The following LRP1B variants were observed in gnomAD, a reference collection of about 807,000 sequenced individuals.
LRP1B encodes low-density lipoprotein receptor-related protein 1B.
In LRP1B, 217 loss-of-function variants were observed where a neutral mutation model predicts 556.6. That is an observed-to-expected ratio of 0.39 (90% CI 0.35 to 0.44). LRP1B has a LOEUF of 0.44. Among genes scored for constraint, LRP1B ranks in the 20% least tolerant of loss-of-function variants. The probability of loss-of-function intolerance (pLI) is 1.00; values close to 1 mark genes in which losing one functional copy is unlikely to be tolerated. For synonymous variants in LRP1B, 2,047 were observed against 1,865.8 expected (o/e 1.10, Z -2.50); for missense variants, 5,053 against 5,620.8 (o/e 0.90, Z 3.23).
intron 2 of LRP1B, among the ~76,000 whole-genome samples, chr2:141,796,992 C>T (rs944760648): frequency 6.6e-6 from 1 of 150,742 alleles, no homozygotes; most frequent in Non-Finnish European, 1.5e-5. Flanking sequence ...GTCCGTGTCT[C>T]GAGGAGTTTT....
rs1001009142 is a variant in LRP1B at position 141,503,148 on chromosome 2, T to C, written c.206-22615A>G. ...TTAGGACTATATAAAAAATAATATATAATTATATATGAGTAATACATGAAT... is the reference window on the plus strand; with the variant it reads ...TTAGGACTATATAAAAAATAATATACAATTATATATGAGTAATACATGAAT... On this transcript the variant is annotated intron_variant, in intron 2 of 90. Transcript: ENST00000389484. Among the ~76,000 whole-genome samples, 4 of 148,118 alleles carry C rather than the reference T, an allele frequency of 2.7e-5. No individual in the cohort carries two copies. In the East Asian group the frequency reaches 5.9e-4, roughly 22 times the overall value.
chr2:141,422,226 T>C (rs1301184009), intron 3 of LRP1B, among the ~76,000 whole-genome samples: 2 of 152,192 alleles, frequency 1.3e-5, no homozygotes, highest in Non-Finnish European at 2.9e-5. Flanking sequence ...TCTTTGATTA[T>C]TATAATTACC....
At chr2:140,283,822 C>T (rs1244761290) in intron 84 of LRP1B, among the ~76,000 whole-genome samples, 2 of 151,624 alleles carry the variant, frequency 1.3e-5, no homozygotes, top group Admixed American at 1.3e-4. Context: ...TGTTTATAAA[C>T]AGTGTTTTGG....
At chr2:140,734,824 T>C (rs1192654809) in intron 35 of LRP1B, among the ~76,000 whole-genome samples, 1 of 152,140 alleles carries the variant, frequency 6.6e-6, no homozygotes, top group Non-Finnish European at 1.5e-5. Flanking sequence ...TAGGTGACAG[T>C]GACTCTCCAC....
intron 20 of LRP1B, among the ~76,000 whole-genome samples, chr2:140,931,248 T>C (rs1695039719): frequency 6.6e-6 from 1 of 152,170 alleles, no homozygotes; most frequent in South Asian, 2.1e-4. Flanking sequence ...CATGACTGCC[T>C]ATAGGTCATC....
At chr2:141,709,689 T>A (rs1295760597) in intron 2 of LRP1B, among the ~76,000 whole-genome samples, 1 of 152,136 alleles carries the variant, frequency 6.6e-6, no homozygotes, top group Non-Finnish European at 1.5e-5. Context: ...CACAAAGCCA[T>A]CACTATACGT....
chr2:141,769,724 A>T (rs1057480053), intron 2 of LRP1B, among the ~76,000 whole-genome samples: 3 of 152,194 alleles, frequency 2.0e-5, no homozygotes, highest in Non-Finnish European at 4.4e-5. Context: ...CATAATTGGC[A>T]TTTCCTACTA....
rs369254242 is a variant in LRP1B at position 140,561,264 on chromosome 2, C to A, written c.7195-19293G>T. Among the ~76,000 whole-genome samples the A allele has an allele frequency of 2.4e-4, 36 of 152,166 alleles. No homozygotes were observed. In the South Asian group the frequency reaches 5.2e-3, roughly 22 times the overall value. ...CTTGTACTACAGTAGGTCATAAGTC[C>A]CTCATTTCATAGAGATCCTGCCCCA... On this transcript the variant is annotated intron_variant, in intron 43 of 90. Transcript: ENST00000389484.
chr2:141,140,300 C>G (rs769882640), intron 7 of LRP1B, among the ~76,000 whole-genome samples: 1 of 151,870 alleles, frequency 6.6e-6, no homozygotes, highest in African/African-American at 2.4e-5. Flanking sequence ...TCAACCGTGT[C>G]GCTTATTGAA....
At chr2:141,999,195 G>A (rs1016955069) in intron 1 of LRP1B, among the ~76,000 whole-genome samples, 1 of 151,998 alleles carries the variant, frequency 6.6e-6, no homozygotes, top group Non-Finnish European at 1.5e-5. Flanking sequence ...CTGGTCAGCT[G>A]TGGCTGAATT....
chr2:141,948,413 A>G (rs2105028837), intron 1 of LRP1B, among the ~76,000 whole-genome samples: 1 of 152,192 alleles, frequency 6.6e-6, no homozygotes, highest in African/African-American at 2.4e-5. Flanking sequence ...CTATAAATAT[A>G]TTGTAAATAT....
At chr2:140,679,671 C>T (rs1007684161) in intron 41 of LRP1B, among the ~76,000 whole-genome samples, 22 of 152,098 alleles carry the variant, frequency 1.4e-4, no homozygotes, top group African/African-American at 3.1e-4. Context: ...TCAGTTTCAA[C>T]GACCCCTTTA....
chr2:140,563,958 A>G (rs942247875), intron 43 of LRP1B, among the ~76,000 whole-genome samples: 24 of 152,290 alleles, frequency 1.6e-4, no homozygotes, highest in Admixed American at 7.2e-4. Context: ...TACTAACACA[A>G]GTGCAAGCCC....
intron 41 of LRP1B, among the ~76,000 whole-genome samples, chr2:140,660,397 A>C (rs1323209474): frequency 6.6e-6 from 1 of 152,150 alleles, no homozygotes; most frequent in Non-Finnish European, 1.5e-5. Flanking sequence ...TGATTCCTGT[A>C]ATTAAAAACT....
At chr2:141,376,835 A>C in intron 3 of LRP1B, among the ~76,000 whole-genome samples, 1 of 152,154 alleles carries the variant, frequency 6.6e-6, no homozygotes, top group East Asian at 1.9e-4. Context: ...AAAATCTTAC[A>C]AATGCTCTTT....
intron 81 of LRP1B, among the ~76,000 whole-genome samples, chr2:140,322,660 T>C (rs16843781): frequency 0.12 from 18,353 of 152,032 alleles, 1,146 homozygotes; most frequent in Middle Eastern, 0.15. Flanking sequence ...TTTGTGTGCA[T>C]GTCTAAATGT....
intron 67 of LRP1B, among the ~76,000 whole-genome samples, chr2:140,384,410 T>C (rs1683670524): frequency 6.6e-6 from 1 of 152,202 alleles, no homozygotes; most frequent in Non-Finnish European, 1.5e-5. Flanking sequence ...ATTAAGTGGA[T>C]CAGAGAACTT....
intron 2 of LRP1B, among the ~76,000 whole-genome samples, chr2:141,765,584 A>C (rs1444597476): frequency 6.6e-6 from 1 of 152,222 alleles, no homozygotes; most frequent in Non-Finnish European, 1.5e-5. Flanking sequence ...GCTAAATTTC[A>C]TAACACATCC....
At chr2:140,671,071 G>C (rs62174183) in intron 41 of LRP1B, among the ~76,000 whole-genome samples, 3,847 of 151,708 alleles carry the variant, frequency 0.025, 72 homozygotes, top group Non-Finnish European at 0.041. Flanking sequence ...ATTTCTTATT[G>C]CAGTTATAAC....
Sources: gnomAD v4.1 joint callset for allele counts (sites outside exome capture counted in the v4.1 genomes callset) on GRCh38, gnomAD v4.1.1 for gene constraint, MANE v1.5 for transcripts, NCBI Gene and HGNC (gene_info 2026-07-23, HGNC 2026-07-21) for gene names.